Variants in TDRD7 observed in about 807,000 individuals in gnomAD.
TDRD7 encodes tudor domain-containing protein 7.
In TDRD7, 47 loss-of-function variants were observed where a neutral mutation model predicts 109.8. The ratio of observed to expected loss-of-function variants is 0.43; its 90% CI spans 0.34 to 0.55. The LOEUF is 0.55. TDRD7 is among the 20% of genes least tolerant of loss of function. TDRD7 has a pLI of 0.03. For missense variants in TDRD7, 1,164 were observed against 1,319.2 expected (o/e 0.88, Z 1.82); for synonymous variants, 424 against 457.3 (o/e 0.93, Z 0.93).
chr9:97,490,029 C>G (rs562605684), intron 16 of TDRD7, among the ~76,000 whole-genome samples: 45 of 152,136 alleles, frequency 3.0e-4, no homozygotes, highest in African/African-American at 1.0e-3. Context: ...CACATGTGCA[C>G]ACGTGCACAC....
At chr9:97,432,664 A>G (rs890609495) in intron 4 of TDRD7, among the ~76,000 whole-genome samples, 4 of 152,186 alleles carry the variant, frequency 2.6e-5, no homozygotes, top group African/African-American at 9.7e-5. Context: ...GACTGGCAAT[A>G]ATAAGACAAC....
chr9:97,495,872 A>G lies in TDRD7; in HGVS notation c.3286A>G (p.Lys1096Glu), dbSNP rs916378399. 2 of 1,613,758 alleles carry G rather than the reference A, an allele frequency of 1.2e-6. No homozygotes were observed. The highest frequency in any genetic ancestry group is 1.7e-6 in the Non-Finnish European group (2 of 1,179,800). The change falls in exon 17 of 17, where the codon AAA (lysine) becomes GAA (glutamate). Residue 1096 changes from lysine to glutamate, a missense_variant. Physicochemically the swap from Lys to Glu is moderately conservative, Grantham distance 56. Coordinates refer to ENST00000355295, the MANE Select transcript of TDRD7 (RefSeq NM_014290.3). ...FMSEYLIELS[K>E]VN Reference sequence around the variant, plus strand: ...GTCAGAGTATCTGATAGAGCTTTCAAAAGTTAATTAATGACTGCCTCTGAA... The same window carrying G: ...GTCAGAGTATCTGATAGAGCTTTCAGAAGTTAATTAATGACTGCCTCTGAA...
chr9:97,484,196 C>CTG (rs749103314), intron 15 of TDRD7, among the ~76,000 whole-genome samples: 1 of 152,286 alleles, frequency 6.6e-6, no homozygotes, highest in East Asian at 1.9e-4. Context: ...GGCCTTGGGG[C>CTG]TGTGAGAACA....
intron 4 of TDRD7, 40 bp downstream of exon 4, chr9:97,432,278 G>A (rs756869969): frequency 6.5e-6 from 10 of 1,547,884 alleles, no homozygotes; most frequent in African/African-American, 1.4e-5. Flanking sequence ...GTGAATCTAG[G>A]GTAAAAAGTG....
chr9:97,437,494 A>C (rs1023549675), intron 4 of TDRD7, among the ~76,000 whole-genome samples: 5 of 152,174 alleles, frequency 3.3e-5, no homozygotes, highest in South Asian at 4.1e-4. Context: ...TCTGTAATCT[A>C]GTTATTTGTG....
In TDRD7 at chr9:97,463,375, G is replaced by GTTT. The variant is rs199582339; in HGVS notation, c.1443-1465_1443-1463dup. Among the ~76,000 whole-genome samples the GTTT allele has an allele frequency of 7.0e-5, 10 of 143,328 alleles. No individual in the cohort carries two copies. The East Asian group carries it at 8.5e-4, about 12-fold the overall frequency. The allele number at this position is 143,328 out of a possible 152,430, so 94.0% of individuals were successfully genotyped here. A position where few individuals can be genotyped will look rare whatever the true frequency, so the allele number is the denominator to read the frequency against. On this transcript the variant is annotated intron_variant, in intron 7 of 16. Transcript: ENST00000355295. ...TTCCATTTTGTGTAGGACTTTCTGA[G>GTTT]TTTTGTTTTTTTTTTTTTTTTTCTC...
intron 6 of TDRD7, among the ~76,000 whole-genome samples, chr9:97,455,882 T>G (rs539698170): frequency 6.6e-6 from 1 of 152,312 alleles, no homozygotes; most frequent in South Asian, 2.1e-4. Context: ...GGGAGCCAAG[T>G]TGTCTCTGTT....
chr9:97,466,720 A>G (rs1828827417), intron 8 of TDRD7, among the ~76,000 whole-genome samples: 1 of 152,214 alleles, frequency 6.6e-6, no homozygotes, highest in African/African-American at 2.4e-5. Flanking sequence ...TTTCATGTAA[A>G]TGATGTCTAA....
rs1203844766 is a variant in TDRD7, at chr9:97,460,475, T to C, written c.1153T>C (p.Ser385Pro). The C allele has an allele frequency of 6.2e-7, 1 of 1,614,218 alleles. No individual in the cohort carries two copies. The highest frequency in any genetic ancestry group is 2.2e-5 in the East Asian group (1 of 44,874). Residue 385 changes from serine to proline, a missense_variant, in exon 7 of 17, where the codon TCT (serine) becomes CCT (proline). Coordinates refer to ENST00000355295, the MANE Select transcript of TDRD7 (RefSeq NM_014290.3). ...TGCCTTAAAAAATCTTGCCTCACTT[T>C]CTGATGTATGCAGCATAGACTACAT... ...EDALKNLASLSDVCSIDYISG... is the reference protein window; with the variant it reads ...EDALKNLASLPDVCSIDYISG...
At chr9:97,485,461 A>G (rs540878890) in intron 15 of TDRD7, among the ~76,000 whole-genome samples, 2 of 152,240 alleles carry the variant, frequency 1.3e-5, no homozygotes, top group East Asian at 1.9e-4. Context: ...GCCCTATACC[A>G]CTTATTTATG....
chr9:97,470,454 C>A, intron 8 of TDRD7, 104 bp from the exon 9 acceptor site: 1 of 1,102,860 alleles, frequency 9.1e-7, no homozygotes, highest in Non-Finnish European at 1.4e-6. Flanking sequence ...CACTCTGCCA[C>A]TCAGCTTGCT....
chr9:97,486,312 G>A (rs553234672), intron 15 of TDRD7, among the ~76,000 whole-genome samples: 16 of 152,190 alleles, frequency 1.1e-4, no homozygotes, highest in South Asian at 1.0e-3. Flanking sequence ...GAGACTATAG[G>A]ACTTTAAAGT....
chr9:97,489,183 C>T (rs942893313), intron 16 of TDRD7, among the ~76,000 whole-genome samples: 1 of 152,172 alleles, frequency 6.6e-6, no homozygotes, highest in African/African-American at 2.4e-5. Context: ...GTTGAGTTCA[C>T]TTATGTCCTT....
At chr9:97,491,520 G>A (rs988641453) in intron 16 of TDRD7, among the ~76,000 whole-genome samples, 1 of 152,188 alleles carries the variant, frequency 6.6e-6, no homozygotes, top group Admixed American at 6.5e-5. Context: ...TAAGGCTTTT[G>A]TAATGTAGCA....
At chr9:97,436,429 A>G (rs1472081919) in intron 4 of TDRD7, among the ~76,000 whole-genome samples, 1 of 152,032 alleles carries the variant, frequency 6.6e-6, no homozygotes, top group East Asian at 1.9e-4. Context: ...CCTTTACATA[A>G]TTTTTCTATT....
chr9:97,472,400 G>A lies in TDRD7; in HGVS notation c.1849G>A (p.Val617Ile). The change falls in exon 10 of 17, where the codon GTT becomes ATT. Residue 617 changes from valine (V) to isoleucine (I), a missense_variant. By Grantham distance (29) the Val-to-Ile change is conservative. Around this residue, in one of 5 missense-constraint regions of TDRD7, gnomAD observed 261 missense variants for 336.2 expected, o/e 0.78. Transcript: ENST00000355295. Reference protein sequence around the residue: ...EILDKADIPLVVLYDTSGEDD... With the variant: ...EILDKADIPLIVLYDTSGEDD... ...ACTTGACAAAGCTGACATTCCACTTGTTGTTCTGTACGATACCTCAGGAGA... is the reference window on the plus strand; with the variant it reads ...ACTTGACAAAGCTGACATTCCACTTATTGTTCTGTACGATACCTCAGGAGA... 2.5e-6 allele frequency: 4 copies of A among 1,613,872 alleles called. No individual in the cohort carries two copies. The highest frequency in any genetic ancestry group is 3.4e-6 in the Non-Finnish European group (4 of 1,179,864).
chr9:97,436,214 T>C (rs551639204), intron 4 of TDRD7, among the ~76,000 whole-genome samples: 1 of 152,316 alleles, frequency 6.6e-6, no homozygotes, highest in South Asian at 2.1e-4. Flanking sequence ...TAATTTGTTT[T>C]CTTCTAGAAG....
chr9:97,421,413 A>C (rs897572256), intron 1 of TDRD7, among the ~76,000 whole-genome samples: 3 of 152,140 alleles, frequency 2.0e-5, no homozygotes, highest in African/African-American at 4.8e-5. Flanking sequence ...GGTGTTTTGC[A>C]CATTTTAAAT....
intron 9 of TDRD7, among the ~76,000 whole-genome samples, chr9:97,471,996 T>C (rs770170957): frequency 1.9e-4 from 29 of 152,288 alleles, no homozygotes; most frequent in Non-Finnish European, 3.7e-4. Context: ...TAAATATGTG[T>C]TCATGTATAA....
Sources: gnomAD v4.1 joint callset for allele counts (sites outside exome capture counted in the v4.1 genomes callset) on GRCh38, gnomAD v4.1.1 for gene constraint, gnomAD v4.1.1 regional missense constraint, MANE v1.5 for transcripts, NCBI Gene and HGNC (gene_info 2026-07-23, HGNC 2026-07-21) for gene names.